CPEB3: variants seen among roughly 807,000 people sequenced by gnomAD.
The protein encoded by CPEB3 is cytoplasmic polyadenylation element-binding protein 3.
A neutral mutation model predicts 67.2 loss-of-function variants in CPEB3; 20 were observed. The ratio of observed to expected loss-of-function variants is 0.30; its 90% CI spans 0.21 to 0.43. CPEB3 has a LOEUF of 0.43. Ranked by LOEUF, CPEB3 falls within the 20% of genes least tolerant of loss-of-function variation. The pLI, the probability that CPEB3 is intolerant of heterozygous loss-of-function variation, is 1.00. For synonymous variants in CPEB3, 376 were observed against 393.1 expected, an observed-to-expected ratio of 0.96 and a Z score of 0.51; for missense variants, 746 against 968.6, an observed-to-expected ratio of 0.77 and a Z score of 3.05.
intron 2 of CPEB3, among the ~76,000 whole-genome samples, chr10:92,228,431 A>G (rs1393387713): frequency 1.3e-5 from 2 of 152,166 alleles, no homozygotes; most frequent in Non-Finnish European, 2.9e-5. Context: ...AGGTGCTTCT[A>G]GATACATTTA....
chr10:92,143,181 G>A, intron 5 of CPEB3, 63 bp from the exon 6 acceptor site: 2 of 1,258,616 alleles, frequency 1.6e-6, no homozygotes, highest in Non-Finnish European at 2.3e-6. Context: ...AAAACCAGAA[G>A]AGCACAAAAC....
At chr10:92,278,745 C>T (rs1403722685) in intron 1 of CPEB3, among the ~76,000 whole-genome samples, 1 of 151,722 alleles carries the variant, frequency 6.6e-6, no homozygotes, top group Non-Finnish European at 1.5e-5. Context: ...GGATTACAGG[C>T]GCCCACCACC....
chr10:92,213,807 C>T (rs1368025208), intron 2 of CPEB3, among the ~76,000 whole-genome samples: 1 of 152,132 alleles, frequency 6.6e-6, no homozygotes, highest in Non-Finnish European at 1.5e-5. Context: ...TAGTCTAGAG[C>T]TAATTATAAT....
intron 7 of CPEB3, among the ~76,000 whole-genome samples, chr10:92,097,487 G>T (rs1843935444): frequency 6.6e-6 from 1 of 152,128 alleles, no homozygotes; most frequent in African/African-American, 2.4e-5. Flanking sequence ...ACTACTTTTG[G>T]CTGAATTACA....
intron 3 of CPEB3, among the ~76,000 whole-genome samples, chr10:92,185,396 T>C (rs1385582836): frequency 6.6e-6 from 1 of 152,138 alleles, no homozygotes; most frequent in Non-Finnish European, 1.5e-5. Flanking sequence ...GGTTAGAGAA[T>C]AGGGTTACAT....
At chr10:92,289,553 GAATT>G (rs1004874470) in intron 1 of CPEB3, among the ~76,000 whole-genome samples, 1 of 150,508 alleles carries the variant, frequency 6.6e-6, no homozygotes, top group Admixed American at 6.7e-5. Flanking sequence ...CAAAATCAAT[GAATT>G]AATTAAATAA....
intron 9 of CPEB3, among the ~76,000 whole-genome samples, chr10:92,062,931 G>A (rs183729206): frequency 2.6e-5 from 4 of 152,334 alleles, no homozygotes; most frequent in Admixed American, 2.0e-4. Flanking sequence ...TACCTATGGA[G>A]AGACATTTAG....
intron 2 of CPEB3, 122 bp from the exon 3 acceptor site, chr10:92,192,758 T>C (rs770759072): frequency 5.0e-6 from 3 of 603,450 alleles, no homozygotes; most frequent in African/African-American, 1.9e-5. Context: ...CCCAACAGCA[T>C]ACAGTCCTTC....
intron 9 of CPEB3, among the ~76,000 whole-genome samples, chr10:92,066,442 G>C (rs963308019): frequency 2.0e-5 from 3 of 152,002 alleles, no homozygotes; most frequent in Non-Finnish European, 4.4e-5. Context: ...TAAAATTAAG[G>C]GTTGAGTATA....
At chr10:92,162,395 T>C (rs1380472372) in intron 4 of CPEB3, among the ~76,000 whole-genome samples, 2 of 152,220 alleles carry the variant, frequency 1.3e-5, no homozygotes, top group East Asian at 3.9e-4. Flanking sequence ...CATAGATACA[T>C]ATATTATGTA....
At chr10:92,270,101 G>A (rs751652131) in intron 1 of CPEB3, among the ~76,000 whole-genome samples, 1 of 152,196 alleles carries the variant, frequency 6.6e-6, no homozygotes, top group Non-Finnish European at 1.5e-5. Flanking sequence ...CAGTCACTGA[G>A]AGCCTATGCA....
intron 6 of CPEB3, among the ~76,000 whole-genome samples, chr10:92,136,647 GC>G (rs1846111933): frequency 6.6e-6 from 1 of 151,790 alleles, no homozygotes; most frequent in South Asian, 2.1e-4. Context: ...TGTAAACTCT[GC>G]CCCCCAGATT....
intron 2 of CPEB3, among the ~76,000 whole-genome samples, chr10:92,236,448 C>T (rs1851535282): frequency 1.3e-5 from 2 of 152,120 alleles, no homozygotes; most frequent in Admixed American, 6.6e-5. Context: ...AAACAACATT[C>T]AAATACAGTG....
intron 9 of CPEB3, among the ~76,000 whole-genome samples, chr10:92,062,863 C>G (rs922260178): frequency 1.3e-5 from 2 of 152,228 alleles, no homozygotes; most frequent in African/African-American, 4.8e-5. Flanking sequence ...CAGAGCTGAT[C>G]AGATCGTTAA....
At chr10:92,216,406 G>C (rs1428861011) in intron 2 of CPEB3, 1 of 1,612,568 alleles carries the variant, frequency 6.2e-7, no homozygotes, top group Non-Finnish European at 8.5e-7. Flanking sequence ...GCACCTACCA[G>C]GAGCTGCTGG....
intron 1 of CPEB3, among the ~76,000 whole-genome samples, chr10:92,283,976 C>T (rs1472451914): frequency 6.6e-6 from 1 of 151,354 alleles, no homozygotes; most frequent in East Asian, 1.9e-4. Context: ...GATCCACCTG[C>T]CTCAGCCTCC....
chr10:92,160,036 T>C (rs937017718), intron 4 of CPEB3, among the ~76,000 whole-genome samples: 3 of 151,232 alleles, frequency 2.0e-5, no homozygotes, highest in Non-Finnish European at 4.4e-5. Context: ...AACCTCCACC[T>C]CCCAGGTTCA....
At chr10:92,097,338 T>C (rs1211632934) in intron 7 of CPEB3, among the ~76,000 whole-genome samples, 2 of 152,244 alleles carry the variant, frequency 1.3e-5, no homozygotes, top group African/African-American at 4.8e-5. Flanking sequence ...CCATGATCTT[T>C]GGCTTGAAGA....
chr10:92,234,942 A>G (rs1056786371), intron 2 of CPEB3, among the ~76,000 whole-genome samples: 1 of 152,134 alleles, frequency 6.6e-6, no homozygotes, highest in Non-Finnish European at 1.5e-5. Flanking sequence ...AACAAAAACA[A>G]AACAAAAAAA....
Sources: allele counts gnomAD v4.1 joint callset (sites outside exome capture counted in the v4.1 genomes callset), GRCh38; gene constraint gnomAD v4.1.1; transcripts MANE v1.5; gene names NCBI Gene and HGNC (gene_info 2026-07-23, HGNC 2026-07-21).